RANBP2: variants seen among roughly 807,000 people sequenced by gnomAD.
The protein encoded by RANBP2 is RAN binding protein 2.
In RANBP2, 57 loss-of-function variants were observed where a neutral mutation model predicts 303.6. The observed-to-expected ratio is 0.19, with a 90% CI of 0.15 to 0.23. RANBP2 has a LOEUF of 0.23. Among genes scored for constraint, RANBP2 ranks in the 10% least tolerant of loss-of-function variants. The pLI is 1.00. For synonymous variants in RANBP2, 1,167 were observed against 1,301.5 expected, an observed-to-expected ratio of 0.90 and a Z score of 2.23; for missense variants, 3,138 against 3,780.8, an observed-to-expected ratio of 0.83 and a Z score of 4.46.
the RANBP2 span, among the ~76,000 whole-genome samples, chr2:109,057,956 C>T: frequency 7.2e-5 from 11 of 152,286 alleles, no homozygotes; most frequent in South Asian, 1.2e-3. Flanking sequence ...GCTGATTAAG[C>T]GCTTATGTGG....
At chr2:109,713,557 A>G in the RANBP2 span, among the ~76,000 whole-genome samples, 1 of 152,200 alleles carries the variant, frequency 6.6e-6, no homozygotes. Context: ...CTGGGTTGGA[A>G]ATCAATTGGG....
At chr2:109,510,285 G>A in the RANBP2 span, among the ~76,000 whole-genome samples, 2 of 152,224 alleles carry the variant, frequency 1.3e-5, no homozygotes, top group Non-Finnish European at 2.9e-5. Flanking sequence ...GGGGTGTTTA[G>A]ATGCAAACTG....
the RANBP2 span, among the ~76,000 whole-genome samples, chr2:108,953,391 G>T: frequency 6.6e-6 from 1 of 152,074 alleles, no homozygotes; most frequent in Admixed American, 6.6e-5. Flanking sequence ...TCCACAAATT[G>T]TAGATACTTT....
chr2:109,618,236 C>T, the RANBP2 span: 1 of 166,534 alleles, frequency 6.0e-6, no homozygotes, highest in Non-Finnish European at 1.5e-5. Context: ...TTACTTGTAT[C>T]TAGTGCAGAA....
At chr2:108,786,905 GC>G, downstream of RANBP2, 1 of 1,539,530 alleles carries the variant, frequency 6.5e-7, no homozygotes, top group Non-Finnish European at 8.7e-7. Flanking sequence ...GGGGGCAGCT[GC>G]CCCGACGAGG....
At chr2:108,929,503 G>T in the RANBP2 span, 3 of 1,041,190 alleles carry the variant, frequency 2.9e-6, no homozygotes, top group Admixed American at 1.9e-5. Flanking sequence ...CCGGGCCTTG[G>T]TTTCCTGAGT....
the RANBP2 span, among the ~76,000 whole-genome samples, chr2:109,356,777 T>C: frequency 6.6e-6 from 1 of 152,170 alleles, no homozygotes; most frequent in Non-Finnish European, 1.5e-5. Context: ...ATGGGGTCCT[T>C]GGTGCAAATC....
At chr2:109,441,284 A>G in the RANBP2 span, among the ~76,000 whole-genome samples, 9 of 152,220 alleles carry the variant, frequency 5.9e-5, no homozygotes, top group African/African-American at 2.2e-4. Flanking sequence ...ATTGACATAG[A>G]TGTTGCAAAG....
the RANBP2 span, among the ~76,000 whole-genome samples, chr2:108,845,550 G>C: frequency 4.0e-5 from 6 of 149,078 alleles, no homozygotes; most frequent in Non-Finnish European, 8.9e-5. Flanking sequence ...GCAACAGTTT[G>C]AAATGCTTTC....
chr2:109,192,078 A>G, the RANBP2 span, among the ~76,000 whole-genome samples: 1 of 152,170 alleles, frequency 6.6e-6, no homozygotes, highest in Non-Finnish European at 1.5e-5. Flanking sequence ...TCACTTTGCA[A>G]ACCGAGCGAC....
chr2:109,121,384 A>T, the RANBP2 span, among the ~76,000 whole-genome samples: 4 of 152,234 alleles, frequency 2.6e-5, no homozygotes, highest in Non-Finnish European at 5.9e-5. Context: ...GGAATAAAAA[A>T]AATCCTTCAC....
the RANBP2 span, among the ~76,000 whole-genome samples, chr2:109,199,617 T>TTAACCC: frequency 7.8e-3 from 2 of 258 alleles, no homozygotes; most frequent in African/African-American, 0.012. Flanking sequence ...TGGAATGGAA[T>TTAACCC]GGAATGGAAT....
the RANBP2 span, among the ~76,000 whole-genome samples, chr2:109,231,644 T>C: frequency 6.6e-6 from 1 of 152,240 alleles, no homozygotes; most frequent in South Asian, 2.1e-4. Context: ...GACATGTGGC[T>C]GAGGACTTCA....
the RANBP2 span, among the ~76,000 whole-genome samples, chr2:109,432,282 T>G: frequency 6.6e-6 from 1 of 152,170 alleles, no homozygotes; most frequent in African/African-American, 2.4e-5. Context: ...ACCCCTCCCC[T>G]GCAGGCAGCT....
At chr2:109,653,170 G>A in the RANBP2 span, among the ~76,000 whole-genome samples, 1 of 152,106 alleles carries the variant, frequency 6.6e-6, no homozygotes, top group Non-Finnish European at 1.5e-5. Context: ...GCTGAGGCGG[G>A]TGGATCATGA....
At chr2:109,606,580 G>A in the RANBP2 span, among the ~76,000 whole-genome samples, 1 of 147,014 alleles carries the variant, frequency 6.8e-6, no homozygotes, top group South Asian at 2.2e-4. Context: ...TACCTGCAAA[G>A]ATCTTCAGAG....
At chr2:108,794,869 A>G in the RANBP2 span, 1 of 634,816 alleles carries the variant, frequency 1.6e-6, no homozygotes, top group Non-Finnish European at 2.6e-6. Flanking sequence ...CTCAAATTAT[A>G]GGGACTAATG....
the RANBP2 span, among the ~76,000 whole-genome samples, chr2:109,187,470 G>A: frequency 6.6e-6 from 1 of 152,040 alleles, no homozygotes; most frequent in South Asian, 2.1e-4. Context: ...GTTGACAATT[G>A]CATATACTGT....
the RANBP2 span, among the ~76,000 whole-genome samples, chr2:109,055,478 CAGCCTCTCG>C: frequency 6.6e-6 from 1 of 151,124 alleles, no homozygotes; most frequent in Non-Finnish European, 1.5e-5. Flanking sequence ...TCTTCTGCCT[CAGCCTCTCG>C]AGTAGCAGGA....
Sources: allele counts gnomAD v4.1 joint callset (sites outside exome capture counted in the v4.1 genomes callset), GRCh38; gene constraint gnomAD v4.1.1; transcripts MANE v1.5; gene names NCBI Gene and HGNC (gene_info 2026-07-23, HGNC 2026-07-21).